Variants in OR2V2 observed in about 807,000 individuals in gnomAD.
OR2V2 encodes olfactory receptor family 2 subfamily V member 2.
For missense variants in OR2V2, 392 were observed against 392.2 expected (o/e 1.00, Z 0.00); for synonymous variants, 161 against 151.3 (o/e 1.06, Z -0.47).
At chr5:181,152,439 C>T (rs4976821) in intron 1 of OR2V2, among the ~76,000 whole-genome samples, 1 of 152,064 alleles carries the variant, frequency 6.6e-6, no homozygotes, top group Non-Finnish European at 1.5e-5. Context: ...CTCTGAACAA[C>T]TGGAGATGCT....
intron 1 of OR2V2, among the ~76,000 whole-genome samples, chr5:181,154,483 G>A (rs1260379716): frequency 2.0e-5 from 3 of 151,954 alleles, no homozygotes; most frequent in South Asian, 4.2e-4. Flanking sequence ...CCAGCTACTC[G>A]GGAGGCTGAG....
In OR2V2 at chr5:181,155,898, G is replaced by T. The variant is rs756698528; in HGVS notation, c.*8G>T. 3 of 1,603,274 alleles carry T rather than the reference G, an allele frequency of 1.9e-6. No homozygotes were observed. The highest frequency in any genetic ancestry group is 2.2e-5 in the South Asian group (2 of 90,710). ...ATCGGCAGCCAGCACTGAACCCAGGGCATCCAGTGCCTGGCTCTGCCATCT... is the reference window on the plus strand; with the variant it reads ...ATCGGCAGCCAGCACTGAACCCAGGTCATCCAGTGCCTGGCTCTGCCATCT... On this transcript the variant is annotated 3_prime_UTR_variant, in exon 2 of 2. Coordinates refer to ENST00000641492, the MANE Select transcript of OR2V2 (RefSeq NM_206880.2).
rs1763280897 is a variant in OR2V2 at position 181,157,496 on chromosome 5, G to A, written c.*1606G>A. The A allele has an allele frequency of 6.6e-6, 1 of 152,222 alleles. No individual in the cohort carries two copies. Among genetic ancestry groups the A allele is most frequent in the Non-Finnish European group, 1.5e-5 (1 of 68,040 alleles). 9.4% of individuals were successfully genotyped at this position (152,222 alleles called of 1,614,324 possible). ...GCAGCTGAGATGAGCAAACAACTTCGGAGGAGGCTCCTTCCCTTGGGGGTT... is the reference window on the plus strand; with the variant it reads ...GCAGCTGAGATGAGCAAACAACTTCAGAGGAGGCTCCTTCCCTTGGGGGTT... On this transcript the variant is annotated 3_prime_UTR_variant, in exon 2 of 2. Coordinates refer to ENST00000641492, the MANE Select transcript of OR2V2 (RefSeq NM_206880.2).
At chr5:181,149,615 C>T (rs1286065443) in intron 1 of OR2V2, among the ~76,000 whole-genome samples, 2 of 152,218 alleles carry the variant, frequency 1.3e-5, no homozygotes, top group African/African-American at 2.4e-5. Flanking sequence ...GAACCTCCCT[C>T]GTCAGAGGCT....
At chr5:181,148,808 G>T (rs2113343744) in intron 1 of OR2V2, among the ~76,000 whole-genome samples, 1 of 152,342 alleles carries the variant, frequency 6.6e-6, no homozygotes, top group East Asian at 1.9e-4. Context: ...CTGAAGGGAG[G>T]CCTTGCCAAG....
chr5:181,148,914 T>C (rs1763159575), intron 1 of OR2V2, among the ~76,000 whole-genome samples: 1 of 152,222 alleles, frequency 6.6e-6, no homozygotes, highest in Non-Finnish European at 1.5e-5. Flanking sequence ...TGGATTGGCC[T>C]TGGCCTTGTC....
At position 181,157,191 on chromosome 5, in the gene OR2V2, G is replaced by A. The variant is rs906059390; in HGVS notation, c.*1301G>A. The stretch of plus-strand genomic sequence containing the variant: ...AAAAAAAATATCTCCATTGAAGGCG[G>A]AGAGAAAAGAGGCCAGAACTGGTCC... On this transcript the variant is annotated 3_prime_UTR_variant, in exon 2 of 2. Coordinates refer to ENST00000641492, the MANE Select transcript of OR2V2 (RefSeq NM_206880.2). 2.0e-5 allele frequency: 3 copies of A among 152,266 alleles called. No homozygotes were observed. Among genetic ancestry groups the A allele is most frequent in the Non-Finnish European group, 2.9e-5 (2 of 68,062 alleles). The allele number at this position is 152,266 out of a possible 1,614,324, so 9.4% of individuals were successfully genotyped here.
intron 1 of OR2V2, among the ~76,000 whole-genome samples, chr5:181,154,622 G>A (rs1419353230): frequency 6.6e-6 from 1 of 151,792 alleles, no homozygotes; most frequent in East Asian, 1.9e-4. Flanking sequence ...GTATCATATG[G>A]TACAGCCAAG....
At chr5:181,153,259 T>A (rs1359873614) in intron 1 of OR2V2, among the ~76,000 whole-genome samples, 1 of 152,230 alleles carries the variant, frequency 6.6e-6, no homozygotes, top group Non-Finnish European at 1.5e-5. Flanking sequence ...TTCTGTTATT[T>A]GCCTTGGCTT....
chr5:181,153,714 A>G (rs1261173355), intron 1 of OR2V2, among the ~76,000 whole-genome samples: 1 of 152,196 alleles, frequency 6.6e-6, no homozygotes, highest in Non-Finnish European at 1.5e-5. Context: ...TTGGCTAAAT[A>G]TCAAGGGAAA....
intron 1 of OR2V2, 41 bp from the exon 2 acceptor site, chr5:181,154,878 G>C: frequency 8.3e-6 from 9 of 1,085,022 alleles, no homozygotes; most frequent in Non-Finnish European, 1.3e-5. Context: ...GGTCTATAAA[G>C]AGATGTCAGT....
rs1244378663 is a variant in OR2V2 at position 181,157,304 on chromosome 5, G to C, written c.*1414G>C. On this transcript the variant is annotated 3_prime_UTR_variant, in exon 2 of 2. Coordinates refer to ENST00000641492, the MANE Select transcript of OR2V2 (RefSeq NM_206880.2). ...GAAGTGGCACCCAGGGCCTACCGTG[G>C]TTGACTTTAGATTGTCCACTCAGCT... The C allele has an allele frequency of 1.3e-5, 2 of 152,266 alleles. No homozygotes were observed. Among genetic ancestry groups the C allele is most frequent in the Non-Finnish European group, 2.9e-5 (2 of 68,074 alleles). The allele number at this position is 152,266 out of a possible 1,614,324, so 9.4% of individuals were successfully genotyped here. A position where few individuals can be genotyped will look rare whatever the true frequency, so the allele number is the denominator to read the frequency against.
chr5:181,150,560 T>C (rs1279421616), intron 1 of OR2V2, among the ~76,000 whole-genome samples: 3 of 152,186 alleles, frequency 2.0e-5, no homozygotes, highest in Non-Finnish European at 4.4e-5. Flanking sequence ...TTCATGGTAT[T>C]GTTTTACTCA....
chr5:181,151,368 C>T (rs1763188885), intron 1 of OR2V2, among the ~76,000 whole-genome samples: 2 of 152,192 alleles, frequency 1.3e-5, no homozygotes, highest in African/African-American at 4.8e-5. Context: ...AGACTGACAC[C>T]ATCTGGCTTA....
In OR2V2 at chr5:181,156,022, T is replaced by A; in HGVS notation, c.*132T>A. ...TGACACCCTCAGACTTGGAAGGTCT[T>A]TTTAAACACTACATCAGTTCTTTCT... On this transcript the variant is annotated 3_prime_UTR_variant, in exon 2 of 2. Transcript: ENST00000641492. 1.5e-6 allele frequency: 1 copy of A among 649,554 alleles called. No individual in the cohort carries two copies. 40.2% of individuals were successfully genotyped at this position (649,554 alleles called of 1,614,324 possible). A position where few individuals can be genotyped will look rare whatever the true frequency, so the allele number is the denominator to read the frequency against.
At chr5:181,153,208 G>A (rs1763213577) in intron 1 of OR2V2, among the ~76,000 whole-genome samples, 1 of 152,250 alleles carries the variant, frequency 6.6e-6, no homozygotes. Flanking sequence ...CTCAGAGTCG[G>A]AATACGGTGA....
rs1010203494 is a variant in OR2V2 at position 181,148,052 on chromosome 5, G to C, written c.-25+57G>C. 9 of 399,022 alleles carry C rather than the reference G, an allele frequency of 2.3e-5. No individual in the cohort carries two copies. In the South Asian group the frequency reaches 7.6e-4, roughly 34 times the overall value. The allele number at this position is 399,022 out of a possible 1,614,324, so 24.7% of individuals were successfully genotyped here. A position where few individuals can be genotyped will look rare whatever the true frequency, so the allele number is the denominator to read the frequency against. Reference sequence around the variant, plus strand: ...TCTCTTCCCTGCAGCTCCTGCTCCCGTTGCTGGTTCACGTCCCCATTTGTC... The same window carrying C: ...TCTCTTCCCTGCAGCTCCTGCTCCCCTTGCTGGTTCACGTCCCCATTTGTC... On this transcript the variant is annotated intron_variant, in intron 1 of 1. Transcript: ENST00000641492.
rs2113349674 is a variant in OR2V2 at position 181,156,088 on chromosome 5, T to C, written c.*198T>C. On this transcript the variant is annotated 3_prime_UTR_variant, in exon 2 of 2. Transcript: ENST00000641492. ...TTTCTTTCTTTTGTTCTTTCTTTCGTTCTTTCTTTCTCTTCCTCTTTCTCT... is the reference window on the plus strand; with the variant it reads ...TTTCTTTCTTTTGTTCTTTCTTTCGCTCTTTCTTTCTCTTCCTCTTTCTCT... 1 of 543,160 alleles carries C rather than the reference T, an allele frequency of 1.8e-6. No individual in the cohort carries two copies. Among genetic ancestry groups the C allele is most frequent in the African/African-American group, 1.9e-5 (1 of 51,792 alleles). The allele number at this position is 543,160 out of a possible 1,614,324, so 33.6% of individuals were successfully genotyped here.
chr5:181,155,830 G>C lies in OR2V2; in HGVS notation c.888G>C (p.Arg296Ser). Residue 296 changes from arginine (R) to serine (S), a missense_variant, in exon 2 of 2, where the codon AGG becomes AGC. Physicochemically the swap from Arg to Ser is moderately radical, Grantham distance 110. Transcript: ENST00000641492. ...CCCTCATTTACAGCTTGAGGAACAG[G>C]GAGGTGATGGGGGCACTGAGGAAGG... Reference protein sequence around the residue: ...LNPLIYSLRNREVMGALRKGL... With the variant: ...LNPLIYSLRNSEVMGALRKGL... The C allele has an allele frequency of 6.2e-7, 1 of 1,614,182 alleles. No individual in the cohort carries two copies. The highest frequency in any genetic ancestry group is 8.5e-7 in the Non-Finnish European group (1 of 1,180,022).
Sources: allele counts gnomAD v4.1 joint callset (sites outside exome capture counted in the v4.1 genomes callset), GRCh38; gene constraint gnomAD v4.1.1; transcripts MANE v1.5; gene names NCBI Gene and HGNC (gene_info 2026-07-23, HGNC 2026-07-21).